Variants in POC1B observed in about 807,000 individuals in gnomAD.
The protein encoded by POC1B is POC1 centriolar protein B.
A neutral mutation model predicts 60.6 loss-of-function variants in POC1B; 44 were observed. The ratio of observed to expected loss-of-function variants is 0.73; its 90% CI spans 0.57 to 0.93. POC1B has a LOEUF of 0.93. Among genes scored for constraint, POC1B ranks in the 40% least tolerant of loss-of-function variants. The pLI is 0.00. For synonymous variants in POC1B, 180 were observed against 198.9 expected, an observed-to-expected ratio of 0.90 and a Z score of 0.80; for missense variants, 555 against 572.3, an observed-to-expected ratio of 0.97 and a Z score of 0.31.
intron 2 of POC1B, among the ~76,000 whole-genome samples, chr12:89,517,837 G>GC (rs1433991855): frequency 6.6e-6 from 1 of 152,030 alleles, no homozygotes; most frequent in East Asian, 1.9e-4. Context: ...GCATAAAATG[G>GC]CATCTGGCAC....
intron 11 of POC1B, among the ~76,000 whole-genome samples, chr12:89,423,838 G>A (rs567143071): frequency 1.6e-4 from 25 of 152,226 alleles, no homozygotes; most frequent in African/African-American, 5.8e-4. Flanking sequence ...AGGAGAAATA[G>A]GTCATGAAAC....
chr12:89,409,299 A>G, the POC1B span, among the ~76,000 whole-genome samples: 13 of 152,146 alleles, frequency 8.5e-5, no homozygotes, highest in Non-Finnish European at 1.6e-4. Flanking sequence ...TAATTTTTGT[A>G]TAAGATGTAA....
At chr12:89,456,303 G>A (rs370854268) in intron 10 of POC1B, among the ~76,000 whole-genome samples, 150 of 152,266 alleles carry the variant, frequency 9.9e-4, no homozygotes, top group African/African-American at 3.5e-3. Context: ...TTACAGGTGT[G>A]AGCCACTGTG....
chr12:89,523,696 T>C (rs770026727), intron 2 of POC1B: 33 of 1,543,640 alleles, frequency 2.1e-5, no homozygotes, highest in East Asian at 1.8e-4. Context: ...AGAATGCCAC[T>C]GAAATGTTAA....
intron 4 of POC1B, among the ~76,000 whole-genome samples, chr12:89,491,469 CA>C (rs1356372281): frequency 1.3e-5 from 2 of 151,480 alleles, no homozygotes; most frequent in Non-Finnish European, 2.9e-5. Context: ...ACTAAAAATA[CA>C]AAAAATTATC....
the POC1B span, among the ~76,000 whole-genome samples, chr12:89,403,855 G>A: frequency 5.9e-5 from 9 of 152,088 alleles, no homozygotes; most frequent in Non-Finnish European, 1.0e-4. Context: ...AATGTTGGCC[G>A]GGCGCAGTGG....
At chr12:89,511,177 C>T (rs1416332543) in intron 2 of POC1B, among the ~76,000 whole-genome samples, 1 of 151,992 alleles carries the variant, frequency 6.6e-6, no homozygotes, top group African/African-American at 2.4e-5. Flanking sequence ...AAGCCCAACA[C>T]TTTGGGAGGC....
At chr12:89,482,174 A>C (rs1868385556) in intron 4 of POC1B, among the ~76,000 whole-genome samples, 1 of 152,248 alleles carries the variant, frequency 6.6e-6, no homozygotes, top group African/African-American at 2.4e-5. Flanking sequence ...AAAGACGGGC[A>C]TCATGGGCAA....
intron 9 of POC1B, among the ~76,000 whole-genome samples, chr12:89,464,511 G>A (rs1178708387): frequency 4.7e-5 from 5 of 105,462 alleles, no homozygotes; most frequent in Non-Finnish European, 7.2e-5. Context: ...TTTTTGAGAC[G>A]GAGTCTTGCC....
At chr12:89,487,448 C>T (rs1407668323) in intron 4 of POC1B, among the ~76,000 whole-genome samples, 1 of 152,122 alleles carries the variant, frequency 6.6e-6, no homozygotes, top group Non-Finnish European at 1.5e-5. Flanking sequence ...TAAATAGCAC[C>T]CAGCTGGAAG....
At chr12:89,487,479 A>C (rs1868702680) in intron 4 of POC1B, among the ~76,000 whole-genome samples, 1 of 152,130 alleles carries the variant, frequency 6.6e-6, no homozygotes, top group Admixed American at 6.5e-5. Flanking sequence ...TTATGGCATC[A>C]CTCAGTCCCA....
At chr12:89,413,152 G>T in the POC1B span, among the ~76,000 whole-genome samples, 1 of 152,020 alleles carries the variant, frequency 6.6e-6, no homozygotes, top group African/African-American at 2.4e-5. Context: ...ACCTGCCCCA[G>T]CCTCCCAAAG....
chr12:89,464,483 GTTTTTT>G (rs766668019), intron 9 of POC1B, among the ~76,000 whole-genome samples: 1 of 94,720 alleles, frequency 1.1e-5, no homozygotes, highest in Non-Finnish European at 1.9e-5. Flanking sequence ...TTTTATAAGA[GTTTTTT>G]TTTTTTTTTT....
chr12:89,481,758 G>C (rs1343785165), intron 4 of POC1B, among the ~76,000 whole-genome samples: 1 of 152,180 alleles, frequency 6.6e-6, no homozygotes, highest in Non-Finnish European at 1.5e-5. Flanking sequence ...GCTGTGAACA[G>C]AGCAAAGATT....
At chr12:89,492,191 G>T (rs1592624530) in intron 3 of POC1B, 76 bp from the exon 4 acceptor site, 1 of 1,165,434 alleles carries the variant, frequency 8.6e-7, no homozygotes, top group East Asian at 2.7e-5. Context: ...TACAGACTTT[G>T]AAACATATAA....
At chr12:89,452,668 A>G (rs1055536596) in intron 10 of POC1B, among the ~76,000 whole-genome samples, 2 of 152,108 alleles carry the variant, frequency 1.3e-5, no homozygotes, top group African/African-American at 4.8e-5. Context: ...GATTATTACT[A>G]TTTTTATTAA....
At chr12:89,436,943 T>C (rs10777163) in intron 10 of POC1B, among the ~76,000 whole-genome samples, 35,583 of 151,998 alleles carry the variant, frequency 0.23, 4,408 homozygotes, top group South Asian at 0.35. Context: ...CACACCCAAC[T>C]CCTGTCTCTT....
intron 2 of POC1B, chr12:89,521,046 A>G (rs557728760): frequency 1.3e-5 from 2 of 152,312 alleles, no homozygotes; most frequent in East Asian, 1.9e-4. Flanking sequence ...AACACTGACT[A>G]GAACTTCTTA....
In POC1B at chr12:89,457,607, T is replaced by TTTTG. The variant is rs561034674; in HGVS notation, c.1113+2027_1113+2030dup. Among the ~76,000 whole-genome samples the TTTTG allele has an allele frequency of 3.6e-3, 554 of 152,246 alleles. 2 individuals carry two copies. Among genetic ancestry groups the TTTTG allele is most frequent in the Non-Finnish European group, 5.6e-3 (383 of 68,006 alleles). Reference sequence around the variant, plus strand: ...GCAAACAAGATTTTGTTTTCCTGTGTTTTGTTTGTTTGTTTGTTTGCTGGA... The same window carrying TTTTG: ...GCAAACAAGATTTTGTTTTCCTGTGTTTTGTTTGTTTGTTTGTTTGTTTGCTGGA... On this transcript the variant is annotated intron_variant, in intron 10 of 11. Coordinates refer to ENST00000313546, the MANE Select transcript of POC1B (RefSeq NM_172240.3).
Sources: gnomAD v4.1 joint callset for allele counts (sites outside exome capture counted in the v4.1 genomes callset) on GRCh38, gnomAD v4.1.1 for gene constraint, MANE v1.5 for transcripts, NCBI Gene and HGNC (gene_info 2026-07-23, HGNC 2026-07-21) for gene names.